Variants in ARHGAP28 observed in about 807,000 individuals in gnomAD.
The protein encoded by ARHGAP28 is Rho GTPase activating protein 28.
In ARHGAP28, 56 loss-of-function variants were observed where a neutral mutation model predicts 90.7. The ratio of observed to expected loss-of-function variants is 0.62; its 90% CI spans 0.50 to 0.77. ARHGAP28 has a LOEUF of 0.77. ARHGAP28 is among the 30% of genes least tolerant of loss of function. ARHGAP28 has a pLI of 0.00. For missense variants in ARHGAP28, 869 were observed against 900.9 expected (o/e 0.96, Z 0.45); for synonymous variants, 308 against 323.3 (o/e 0.95, Z 0.51).
intron 16 of ARHGAP28, among the ~76,000 whole-genome samples, chr18:6,907,633 G>A (rs181445723): frequency 2.1e-3 from 318 of 152,270 alleles, no homozygotes; most frequent in African/African-American, 7.1e-3. Context: ...AAGTGCTGCT[G>A]GGGGTGAGGG....
At chr18:6,871,002 A>C (rs575665865) in intron 7 of ARHGAP28, among the ~76,000 whole-genome samples, 2 of 152,142 alleles carry the variant, frequency 1.3e-5, no homozygotes, top group Middle Eastern at 3.2e-3. Context: ...GGGTTTCACC[A>C]TGTTAGCCAG....
chr18:6,729,989 TG>T, intron 1 of ARHGAP28, 46 bp downstream of exon 1: 3 of 1,303,798 alleles, frequency 2.3e-6, no homozygotes, highest in South Asian at 2.2e-5. Flanking sequence ...GCGCTGGGCT[TG>T]GGGGGTTCGC....
At position 6,741,527 on chromosome 18, in the gene ARHGAP28, G is replaced by A. The variant is rs1413214734; in HGVS notation, c.122+11584G>A. Among the ~76,000 whole-genome samples, 4 of 152,132 alleles carry A rather than the reference G, an allele frequency of 2.6e-5. No individual in the cohort carries two copies. The East Asian group carries it at 7.7e-4, about 29-fold the overall frequency. On this transcript the variant is annotated intron_variant, in intron 1 of 17. Coordinates refer to ENST00000383472, the MANE Select transcript of ARHGAP28 (RefSeq NM_001366230.1). ...ACCAGCTAAAATAACATGAGTCATT[G>A]CTTATAAGAAGCCCAAGTGAAGCTG...
Position 6,837,223 on chromosome 18 carries a change from C to A in ARHGAP28, c.352C>A (p.Gln118Lys). The change falls in exon 3 of 18, where the codon CAA becomes AAA. Residue 118 changes from glutamine to lysine, a missense_variant. Gln to Lys is a moderately conservative substitution (Grantham distance 53). Transcript: ENST00000383472. ...DEGELEAEWLQDVGLSTLISG... is the reference protein window; with the variant it reads ...DEGELEAEWLKDVGLSTLISG... ...AGGAGAACTTGAAGCAGAATGGCTG[C>A]AAGATGTGGGTTTATCAACTCTGAT... 1 of 1,563,392 alleles carries A rather than the reference C, an allele frequency of 6.4e-7. No individual in the cohort carries two copies. Among genetic ancestry groups the A allele is most frequent in the Non-Finnish European group, 8.6e-7 (1 of 1,157,198 alleles).
intron 5 of ARHGAP28, among the ~76,000 whole-genome samples, chr18:6,864,857 T>G (rs924270696): frequency 6.6e-6 from 1 of 151,926 alleles, no homozygotes; most frequent in African/African-American, 2.4e-5. Context: ...GCTAAATTTT[T>G]TTTTTTAAGT....
intron 17 of ARHGAP28, among the ~76,000 whole-genome samples, chr18:6,909,656 G>C (rs1403451881): frequency 6.6e-6 from 1 of 152,112 alleles, no homozygotes. Flanking sequence ...GCAAAACAAA[G>C]AGAATACTGT....
intron 1 of ARHGAP28, among the ~76,000 whole-genome samples, chr18:6,762,370 G>A (rs918832241): frequency 3.3e-5 from 5 of 152,180 alleles, no homozygotes; most frequent in African/African-American, 1.2e-4. Flanking sequence ...TACATGGCCT[G>A]GTTTGCCACC....
chr18:6,756,383 A>G (rs1196777360), intron 1 of ARHGAP28, among the ~76,000 whole-genome samples: 2 of 152,188 alleles, frequency 1.3e-5, no homozygotes, highest in Admixed American at 1.3e-4. Context: ...GAAATAACGT[A>G]TCAGAAAATA....
chr18:6,835,894 T>C (rs552118505), intron 2 of ARHGAP28, among the ~76,000 whole-genome samples: 1 of 152,300 alleles, frequency 6.6e-6, no homozygotes, highest in East Asian at 1.9e-4. Context: ...CCTAATCCTT[T>C]TGTTATTATT....
At chr18:6,782,545 G>C (rs1395098435) in intron 1 of ARHGAP28, among the ~76,000 whole-genome samples, 1 of 142,518 alleles carries the variant, frequency 7.0e-6, no homozygotes, top group African/African-American at 2.6e-5. Flanking sequence ...AGCTTCCTGA[G>C]TAGCTAGGAT....
intron 10 of ARHGAP28, among the ~76,000 whole-genome samples, chr18:6,878,611 T>C (rs893669483): frequency 6.6e-6 from 1 of 152,192 alleles, no homozygotes; most frequent in African/African-American, 2.4e-5. Flanking sequence ...AATCGTTCCT[T>C]CAGAAAGTTA....
chr18:6,896,441 A>G (rs1256644301), intron 15 of ARHGAP28, 61 bp from the exon 16 acceptor site: 27 of 1,590,464 alleles, frequency 1.7e-5, no homozygotes, highest in Admixed American at 3.4e-5. Flanking sequence ...TCTTAAGTGC[A>G]TCATTGAGCC....
intron 1 of ARHGAP28, among the ~76,000 whole-genome samples, chr18:6,800,181 A>C (rs558767719): frequency 6.6e-6 from 1 of 152,242 alleles, no homozygotes; most frequent in African/African-American, 2.4e-5. Context: ...GCCAGTTAGA[A>C]TGGCAATCAT....
chr18:6,830,639 AGG>A (rs2143818983), intron 2 of ARHGAP28, among the ~76,000 whole-genome samples: 1 of 152,306 alleles, frequency 6.6e-6, no homozygotes, highest in African/African-American at 2.4e-5. Context: ...GTCCCTGCAA[AGG>A]ACATGAACTC....
intron 1 of ARHGAP28, among the ~76,000 whole-genome samples, chr18:6,816,973 C>T (rs2056595340): frequency 6.6e-6 from 1 of 151,862 alleles, no homozygotes; most frequent in Non-Finnish European, 1.5e-5. Flanking sequence ...ACCTGTAGTC[C>T]CAGCTACTTG....
intron 1 of ARHGAP28, among the ~76,000 whole-genome samples, chr18:6,795,508 C>T (rs951296705): frequency 6.6e-6 from 1 of 152,170 alleles, no homozygotes; most frequent in Non-Finnish European, 1.5e-5. Flanking sequence ...CTGTAAAAGA[C>T]CAAATGTAAC....
At chr18:6,911,650 G>A (rs2116256) in intron 17 of ARHGAP28, among the ~76,000 whole-genome samples, 123,076 of 151,708 alleles carry the variant, frequency 0.81, 50,180 homozygotes, top group Non-Finnish European at 0.86. Context: ...TGTCCAGGCT[G>A]GTCTCAAACT....
chr18:6,782,110 GT>G lies in ARHGAP28; in HGVS notation c.123-42642del, dbSNP rs889773924. The stretch of plus-strand genomic sequence containing the variant: ...TCTCACTTCCTGGAGATTCCAACTG[GT>G]TTTTTTTTTAGCTGCCTCCCCAGCC... On this transcript the variant is annotated intron_variant, in intron 1 of 17. Transcript: ENST00000383472. Among the ~76,000 whole-genome samples, 192 of 148,056 alleles carry G rather than the reference GT, an allele frequency of 1.3e-3. 2 individuals are homozygous for G. Among genetic ancestry groups the G allele is most frequent in the African/African-American group, 4.2e-3 (169 of 40,484 alleles).
intron 1 of ARHGAP28, among the ~76,000 whole-genome samples, chr18:6,751,145 T>G (rs553933041): frequency 1.3e-5 from 2 of 152,216 alleles, no homozygotes; most frequent in Admixed American, 1.3e-4. Flanking sequence ...AATGTATGAT[T>G]TTTTTTAATT....
Sources: gnomAD v4.1 joint callset for allele counts (sites outside exome capture counted in the v4.1 genomes callset) on GRCh38, gnomAD v4.1.1 for gene constraint, MANE v1.5 for transcripts, NCBI Gene and HGNC (gene_info 2026-07-23, HGNC 2026-07-21) for gene names.